The following PDE10A variants were observed in gnomAD, a reference collection of about 807,000 sequenced individuals.
PDE10A encodes the protein phosphodiesterase 10A, also known as cAMP and cAMP-inhibited cGMP 3',5'-cyclic phosphodiesterase 10A.
PDE10A carries 39 observed loss-of-function variants against 97.7 expected under a neutral mutation model. The observed-to-expected ratio is 0.40, with a 90% CI of 0.31 to 0.52. PDE10A has a LOEUF of 0.52. PDE10A is among the 20% of genes least tolerant of loss of function. The probability of loss-of-function intolerance (pLI) is 0.56; values close to 1 mark genes in which losing one functional copy is unlikely to be tolerated. For synonymous variants in PDE10A, 371 were observed against 376.8 expected (o/e 0.98, Z 0.18); for missense variants, 731 against 1,047.8 (o/e 0.70, Z 4.17).
At position 165,943,172 on chromosome 6, in the gene PDE10A, G is replaced by GA. The variant is rs371876255; in HGVS notation, c.-615+44356dup. 8.3e-3 allele frequency among the ~76,000 whole-genome samples: 502 copies of GA among 60,238 alleles called. 68 individuals are homozygous for GA. Among genetic ancestry groups the GA allele is most frequent in the African/African-American group, 0.027 (322 of 11,806 alleles). 39.5% of individuals were successfully genotyped at this position (60,238 alleles called of 152,430 possible). A position where few individuals can be genotyped will look rare whatever the true frequency, so the allele number is the denominator to read the frequency against. ...GAGAGAGAGAGAGAGAAGAAAGAAAGAAAAAAGAAAGAAAGAAAGAAAGAA... is the reference window on the plus strand; with the variant it reads ...GAGAGAGAGAGAGAGAAGAAAGAAAGAAAAAAAGAAAGAAAGAAAGAAAGAA... On this transcript the variant is annotated intron_variant, in intron 1 of 19. Coordinates refer to the PDE10A transcript ENST00000366882.
At chr6:165,455,244 CA>C (rs950546950) in intron 3 of PDE10A, among the ~76,000 whole-genome samples, 2 of 152,100 alleles carry the variant, frequency 1.3e-5, no homozygotes. Context: ...GAGTACCAAT[CA>C]AAAGGGGTTC....
At chr6:165,745,464 C>A (rs1013391870) in intron 1 of PDE10A, among the ~76,000 whole-genome samples, 2 of 152,128 alleles carry the variant, frequency 1.3e-5, no homozygotes, top group African/African-American at 4.8e-5. Flanking sequence ...AACTAATATC[C>A]TTTCAGAATG....
At chr6:165,353,595 A>C (rs1782836574) in intron 18 of PDE10A, among the ~76,000 whole-genome samples, 1 of 152,232 alleles carries the variant, frequency 6.6e-6, no homozygotes, top group Non-Finnish European at 1.5e-5. Flanking sequence ...CATGGAAGAA[A>C]CTTAAATGCA....
intron 1 of PDE10A, among the ~76,000 whole-genome samples, chr6:165,880,707 T>C (rs1234664018): frequency 1.3e-5 from 2 of 152,240 alleles, no homozygotes; most frequent in East Asian, 1.9e-4. Flanking sequence ...TTTTCTCTGA[T>C]ATTAAGTGTT....
chr6:165,596,152 G>A (rs1227722844), intron 1 of PDE10A, among the ~76,000 whole-genome samples: 1 of 152,132 alleles, frequency 6.6e-6, no homozygotes, highest in Non-Finnish European at 1.5e-5. Flanking sequence ...TTCCATCAAG[G>A]CTGAAACCCT....
At chr6:165,587,719 T>C (rs1785999716) in intron 1 of PDE10A, among the ~76,000 whole-genome samples, 2 of 152,284 alleles carry the variant, frequency 1.3e-5, no homozygotes, top group South Asian at 4.1e-4. Context: ...TATAAGGACT[T>C]TGGGAAATTA....
intron 18 of PDE10A, among the ~76,000 whole-genome samples, chr6:165,345,307 A>G (rs925286537): frequency 6.6e-6 from 1 of 152,162 alleles, no homozygotes; most frequent in African/African-American, 2.4e-5. Flanking sequence ...ATAAGGACTG[A>G]AAAGATTATA....
At position 165,738,320 on chromosome 6, in the gene PDE10A, C is replaced by T. The variant is rs1226707537; in HGVS notation, c.-614-194752G>A. The stretch of plus-strand genomic sequence containing the variant: ...GAATGATGATTTCCAATTTCATCCA[C>T]GTCCCTACAAAGGACATGAACTCAT... On this transcript the variant is annotated intron_variant, in intron 1 of 19. Coordinates refer to the PDE10A transcript ENST00000366882. 1.1e-4 allele frequency among the ~76,000 whole-genome samples: 17 copies of T among 151,904 alleles called. No individual in the cohort carries two copies. In the South Asian group the frequency reaches 1.3e-3, roughly 11 times the overall value.
At chr6:165,890,882 T>C (rs559617754) in intron 1 of PDE10A, among the ~76,000 whole-genome samples, 1 of 152,378 alleles carries the variant, frequency 6.6e-6, no homozygotes, top group South Asian at 2.1e-4. Context: ...CCTACTGCGG[T>C]TCCAACGCAG....
intron 2 of PDE10A, among the ~76,000 whole-genome samples, chr6:165,534,533 G>A: frequency 6.6e-6 from 1 of 151,824 alleles, no homozygotes; most frequent in South Asian, 2.1e-4. Flanking sequence ...TAATGAACAT[G>A]ATGAAAAAAT....
Position 165,420,806 on chromosome 6 carries a change from C to A in PDE10A, c.1654-2029G>T, listed in dbSNP as rs565922041. Among the ~76,000 whole-genome samples, 4 of 152,266 alleles carry A rather than the reference C, an allele frequency of 2.6e-5. No homozygotes were observed. In the South Asian group the frequency reaches 8.3e-4, roughly 32 times the overall value. ...CCTAAAATGGCTTCAAATATTAATT[C>A]TTTAAAAATCTTCAACAAATTCCCG... is the stretch of plus-strand genomic sequence containing the variant. On this transcript the variant is annotated intron_variant, in intron 10 of 21. Transcript: ENST00000539869.
intron 1 of PDE10A, among the ~76,000 whole-genome samples, chr6:165,789,863 T>C (rs896737096): frequency 2.6e-5 from 4 of 152,200 alleles, no homozygotes; most frequent in African/African-American, 9.7e-5. Context: ...ATGGTCACTA[T>C]AATATTGATA....
intron 20 of PDE10A, 131 bp from the exon 21 acceptor site, chr6:165,336,342 T>C: frequency 6.0e-6 from 4 of 662,052 alleles, no homozygotes; most frequent in Non-Finnish European, 8.1e-6. Context: ...AGTTTTGCTG[T>C]ATGTGATATC....
At chr6:165,560,264 TATG>T in intron 1 of PDE10A, among the ~76,000 whole-genome samples, 1 of 152,262 alleles carries the variant, frequency 6.6e-6, no homozygotes, top group African/African-American at 2.4e-5. Context: ...TGGAGAGCCA[TATG>T]CTAAGAAATG....
At chr6:165,977,385 A>T (rs1784882328) in intron 1 of PDE10A, among the ~76,000 whole-genome samples, 1 of 152,188 alleles carries the variant, frequency 6.6e-6, no homozygotes, top group Non-Finnish European at 1.5e-5. Flanking sequence ...AGGACGGTAT[A>T]ACTTGGTGAT....
rs559509681 is a variant in PDE10A at position 165,767,085 on chromosome 6, G to A, written c.-615+220444C>T. On this transcript the variant is annotated intron_variant, in intron 1 of 19. Transcript: ENST00000366882. The stretch of plus-strand genomic sequence containing the variant: ...CTTGTGCTTCTACATTAAAAAACGG[G>A]CTTTTGGATTTTGCTACTATCCTTT... Among the ~76,000 whole-genome samples the A allele has an allele frequency of 1.8e-4, 27 of 152,190 alleles. 1 individual carries two copies. The South Asian group carries it at 5.6e-3, about 32-fold the overall frequency.
chr6:165,637,508 A>G (rs1035248474), intron 1 of PDE10A, among the ~76,000 whole-genome samples: 5 of 152,214 alleles, frequency 3.3e-5, no homozygotes, highest in African/African-American at 9.6e-5. Context: ...CACATTTGGC[A>G]TGGAAAAAGA....
chr6:165,713,052 G>A (rs1582978238), intron 1 of PDE10A, among the ~76,000 whole-genome samples: 1 of 152,230 alleles, frequency 6.6e-6, no homozygotes, highest in African/African-American at 2.4e-5. Flanking sequence ...CATCCAGTGC[G>A]AATTGCCACG....
At chr6:165,408,863 T>C (rs946716936) in intron 13 of PDE10A, among the ~76,000 whole-genome samples, 7 of 151,822 alleles carry the variant, frequency 4.6e-5, no homozygotes, top group Admixed American at 2.0e-4. Flanking sequence ...AGGAGAAAAA[T>C]ATACTGCAGT....
Sources: gnomAD v4.1 joint callset for allele counts (sites outside exome capture counted in the v4.1 genomes callset) on GRCh38, gnomAD v4.1.1 for gene constraint, MANE v1.5 for transcripts, NCBI Gene and HGNC (gene_info 2026-07-23, HGNC 2026-07-21) for gene names.